The following SOX5 variants were observed in gnomAD, a reference collection of about 807,000 sequenced individuals.
SOX5 encodes the protein transcription factor SOX-5.
A neutral mutation model predicts 92.0 loss-of-function variants in SOX5; 9 were observed. That is an observed-to-expected ratio of 0.10 (90% CI 0.06 to 0.17). SOX5 has a LOEUF of 0.17. SOX5 is among the 10% of genes least tolerant of loss of function. The pLI is 1.00. For synonymous variants in SOX5, 344 were observed against 336.3 expected (o/e 1.02, Z -0.25); for missense variants, 642 against 944.5 (o/e 0.68, Z 4.20).
At chr12:23,680,325 C>CAAAAAAAA (rs57754255) in intron 6 of SOX5, among the ~76,000 whole-genome samples, 10 of 48,362 alleles carry the variant, frequency 2.1e-4, no homozygotes, top group Non-Finnish European at 2.7e-4. Flanking sequence ...GACCTTGTCT[C>CAAAAAAAA]AAAAAAAAAA....
intron 4 of SOX5, among the ~76,000 whole-genome samples, chr12:24,000,132 C>T (rs1951454335): frequency 6.7e-6 from 1 of 150,284 alleles, no homozygotes; most frequent in African/African-American, 2.4e-5. Context: ...TTATATAATA[C>T]ATAAATATCA....
At chr12:24,409,373 T>G (rs1236157122) in intron 1 of SOX5, among the ~76,000 whole-genome samples, 2 of 151,966 alleles carry the variant, frequency 1.3e-5, no homozygotes, top group African/African-American at 4.8e-5. Context: ...AGAGGACAGG[T>G]CAATAGGTGT....
At chr12:23,825,955 C>T (rs1036356291) in intron 3 of SOX5, among the ~76,000 whole-genome samples, 2 of 151,976 alleles carry the variant, frequency 1.3e-5, no homozygotes, top group East Asian at 1.9e-4. Flanking sequence ...AATTGTAATC[C>T]GGTAAGTGAA....
chr12:23,554,598 AGT>A lies in SOX5; in HGVS notation c.1489-8176_1489-8175del, dbSNP rs544717597. On this transcript the variant is annotated intron_variant, in intron 11 of 14. Coordinates refer to ENST00000451604, the MANE Select transcript of SOX5 (RefSeq NM_006940.6). ...GAATACTGTTCTATTTACATTACAG[AGT>A]GAGAACAAAATATGAAGGGAAAGCC... is the stretch of plus-strand genomic sequence containing the variant. Among the ~76,000 whole-genome samples, 43 of 152,308 alleles carry A rather than the reference AGT, an allele frequency of 2.8e-4. 3 individuals are homozygous for A. The South Asian group carries it at 8.9e-3, about 32-fold the overall frequency.
At chr12:24,411,029 T>C (rs1963976003) in intron 1 of SOX5, among the ~76,000 whole-genome samples, 1 of 152,190 alleles carries the variant, frequency 6.6e-6, no homozygotes, top group Non-Finnish European at 1.5e-5. Context: ...TTGTTAGATT[T>C]ATACCTAGGT....
At chr12:23,910,612 T>C (rs1229294814) in intron 1 of SOX5, among the ~76,000 whole-genome samples, 2 of 152,116 alleles carry the variant, frequency 1.3e-5, no homozygotes, top group African/African-American at 4.8e-5. Context: ...CAGACCTATA[T>C]GGAGAGAGCT....
At chr12:24,430,320 T>C (rs192649863) in intron 1 of SOX5, among the ~76,000 whole-genome samples, 1 of 152,188 alleles carries the variant, frequency 6.6e-6, no homozygotes. Flanking sequence ...ATTATGAAAG[T>C]GGTAAATCCA....
chr12:24,519,123 A>T (rs1950050172), intron 1 of SOX5, among the ~76,000 whole-genome samples: 2 of 152,126 alleles, frequency 1.3e-5, no homozygotes, highest in Admixed American at 1.3e-4. Context: ...TAGAAATAAA[A>T]TTCTCTCTCA....
intron 2 of SOX5, among the ~76,000 whole-genome samples, chr12:24,302,164 T>C (rs923259475): frequency 6.6e-6 from 1 of 152,220 alleles, no homozygotes; most frequent in Admixed American, 6.5e-5. Flanking sequence ...TTCAGACATG[T>C]CATAAAATAT....
intron 1 of SOX5, among the ~76,000 whole-genome samples, chr12:24,523,823 A>G (rs987313130): frequency 2.0e-5 from 3 of 152,250 alleles, no homozygotes; most frequent in Non-Finnish European, 4.4e-5. Context: ...TCTTTGTGAC[A>G]TCGGTCTTGG....
At chr12:24,231,743 T>G (rs1963453456) in intron 3 of SOX5, among the ~76,000 whole-genome samples, 1 of 152,214 alleles carries the variant, frequency 6.6e-6, no homozygotes, top group South Asian at 2.1e-4. Flanking sequence ...TCCTTCCACC[T>G]AAAAACTAAC....
intron 1 of SOX5, among the ~76,000 whole-genome samples, chr12:23,943,523 C>A (rs1207653425): frequency 2.0e-5 from 3 of 152,120 alleles, no homozygotes; most frequent in Admixed American, 2.0e-4. Flanking sequence ...TTATACGCTG[C>A]TGTACCACCT....
At chr12:24,537,334 T>C (rs1255060445) in intron 1 of SOX5, among the ~76,000 whole-genome samples, 1 of 152,188 alleles carries the variant, frequency 6.6e-6, no homozygotes, top group Non-Finnish European at 1.5e-5. Flanking sequence ...TGCCTAGAGT[T>C]TTTAGCTGAG....
chr12:23,784,814 C>A (rs1192206485), intron 3 of SOX5, among the ~76,000 whole-genome samples: 1 of 152,156 alleles, frequency 6.6e-6, no homozygotes, highest in Non-Finnish European at 1.5e-5. Flanking sequence ...CAGTGGCTCA[C>A]ACCTGTAATC....
intron 4 of SOX5, among the ~76,000 whole-genome samples, chr12:24,092,782 T>G (rs1008562727): frequency 3.9e-5 from 6 of 152,242 alleles, no homozygotes; most frequent in Middle Eastern, 3.2e-3. Context: ...CAATGTGACT[T>G]GGCATCTATT....
At chr12:24,111,054 C>G (rs1947288502) in intron 4 of SOX5, among the ~76,000 whole-genome samples, 1 of 151,908 alleles carries the variant, frequency 6.6e-6, no homozygotes, top group African/African-American at 2.4e-5. Context: ...CTGTGATATG[C>G]ATTGTAGGGG....
Position 23,533,282 on chromosome 12 carries a change from A to AT in SOX5, c.*936dup, listed in dbSNP as rs1456562529. On this transcript the variant is annotated 3_prime_UTR_variant, in exon 15 of 15. Transcript: ENST00000451604. ...ACACAAAAATCCAAGATCAGAAAAT[A>AT]TTTTTCTCTAAATTTCTTATGTCTC... 2.5e-6 allele frequency: 1 copy of AT among 405,030 alleles called. No homozygotes were observed. The highest frequency in any genetic ancestry group is 5.2e-6 in the Non-Finnish European group (1 of 193,764). 25.1% of individuals were successfully genotyped at this position (405,030 alleles called of 1,614,324 possible).
intron 1 of SOX5, among the ~76,000 whole-genome samples, chr12:24,485,199 C>T (rs12818000): frequency 0.087 from 13,256 of 152,102 alleles, 677 homozygotes; most frequent in South Asian, 0.16. Flanking sequence ...ATGTGAATAC[C>T]GCATCCCAAC....
intron 8 of SOX5, among the ~76,000 whole-genome samples, chr12:23,625,447 T>C (rs1239562366): frequency 6.6e-6 from 1 of 152,208 alleles, no homozygotes; most frequent in Non-Finnish European, 1.5e-5. Flanking sequence ...TATCTTCTAA[T>C]ATATATGATG....
Sources: gnomAD v4.1 joint callset for allele counts (sites outside exome capture counted in the v4.1 genomes callset) on GRCh38, gnomAD v4.1.1 for gene constraint, MANE v1.5 for transcripts, NCBI Gene and HGNC (gene_info 2026-07-23, HGNC 2026-07-21) for gene names.